The following SGCD variants were observed in gnomAD, a reference collection of about 807,000 sequenced individuals.
SGCD encodes the protein sarcoglycan delta.
In SGCD, 18 loss-of-function variants were observed where a neutral mutation model predicts 36.6. The ratio of observed to expected loss-of-function variants is 0.49; its 90% CI spans 0.34 to 0.73. The LOEUF (loss-of-function observed/expected upper bound fraction) is 0.73. SGCD is among the 30% of genes least tolerant of loss of function. The pLI is 0.01. For missense variants in SGCD, 387 were observed against 346.7 expected, an observed-to-expected ratio of 1.12 and a Z score of -0.92; for synonymous variants, 133 against 130.6, an observed-to-expected ratio of 1.02 and a Z score of -0.12.
At chr5:155,876,912 G>A (rs1173748033) in intron 1 of SGCD, among the ~76,000 whole-genome samples, 1 of 152,044 alleles carries the variant, frequency 6.6e-6, no homozygotes, top group Non-Finnish European at 1.5e-5. Context: ...TAATTAGAAA[G>A]GCTGATAAGA....
At chr5:156,001,320 T>C (rs911384479) in intron 1 of SGCD, among the ~76,000 whole-genome samples, 2 of 152,240 alleles carry the variant, frequency 1.3e-5, no homozygotes, top group Non-Finnish European at 2.9e-5. Context: ...TTGTCACTAC[T>C]TTTTGAGTCA....
intron 3 of SGCD, among the ~76,000 whole-genome samples, chr5:156,439,355 A>T (rs1234199308): frequency 6.6e-6 from 1 of 152,160 alleles, no homozygotes; most frequent in East Asian, 1.9e-4. Flanking sequence ...ATTTACCTGG[A>T]TGGCAAACAA....
intron 4 of SGCD, among the ~76,000 whole-genome samples, chr5:156,532,712 C>A (rs189466762): frequency 6.6e-6 from 1 of 152,158 alleles, no homozygotes; most frequent in Non-Finnish European, 1.5e-5. Flanking sequence ...CTGCCCACCT[C>A]GGCCTCCCAA....
intron 3 of SGCD, among the ~76,000 whole-genome samples, chr5:156,444,087 T>C (rs1343696030): frequency 7.0e-5 from 8 of 113,938 alleles, no homozygotes; most frequent in African/African-American, 2.4e-4. Context: ...TCTCTCTCTC[T>C]CTCTCTCTCT....
At chr5:156,741,050 A>G (rs1756646988) in intron 7 of SGCD, among the ~76,000 whole-genome samples, 1 of 152,208 alleles carries the variant, frequency 6.6e-6, no homozygotes, top group African/African-American at 2.4e-5. Context: ...GGGAAAGACC[A>G]GAGCTAACCT....
intron 1 of SGCD, among the ~76,000 whole-genome samples, chr5:156,009,833 A>G (rs938861228): frequency 1.3e-5 from 2 of 152,206 alleles, no homozygotes; most frequent in Admixed American, 1.3e-4. Flanking sequence ...GTCATAGGCT[A>G]ACAACTGTCT....
At chr5:156,588,860 G>C (rs1166691710) in intron 4 of SGCD, among the ~76,000 whole-genome samples, 2 of 152,170 alleles carry the variant, frequency 1.3e-5, no homozygotes, top group Non-Finnish European at 1.5e-5. Flanking sequence ...GACATTAGGA[G>C]ATTATCATTC....
Position 156,036,222 on chromosome 5 carries a change from G to T in SGCD, c.-281-81656G>T, listed in dbSNP as rs1249061390. The stretch of plus-strand genomic sequence containing the variant: ...CTGTCACCAAAATTTGCAGTGAGAG[G>T]TCATAGAGACTTGTACAGCAGGTGC... On this transcript the variant is annotated intron_variant, in intron 1 of 9. Coordinates refer to the SGCD transcript ENST00000517913. 2.0e-5 allele frequency among the ~76,000 whole-genome samples: 3 copies of T among 152,282 alleles called. No individual in the cohort carries two copies. In the South Asian group the frequency reaches 6.2e-4, roughly 32 times the overall value.
intron 3 of SGCD, among the ~76,000 whole-genome samples, chr5:156,226,257 G>A (rs1462648870): frequency 6.6e-6 from 1 of 152,012 alleles, no homozygotes; most frequent in Non-Finnish European, 1.5e-5. Context: ...AGTCCATTGT[G>A]TCATTCTTAT....
At chr5:156,043,763 C>T (rs1054052718) in intron 1 of SGCD, among the ~76,000 whole-genome samples, 5 of 152,114 alleles carry the variant, frequency 3.3e-5, no homozygotes, top group Admixed American at 1.3e-4. Flanking sequence ...TAATATCCAA[C>T]ACTCTTTAAA....
upstream of SGCD, among the ~76,000 whole-genome samples, chr5:155,867,899 A>C (rs1466536479): frequency 6.6e-6 from 1 of 152,182 alleles, no homozygotes; most frequent in Non-Finnish European, 1.5e-5. Flanking sequence ...TACAGTTAGG[A>C]AGTGGCTGAG....
In SGCD at chr5:156,506,225, A is replaced by G. The variant is rs142360427; in HGVS notation, c.193-2376A>G. Among the ~76,000 whole-genome samples, 639 of 152,342 alleles carry G rather than the reference A, an allele frequency of 4.2e-3. 2 individuals are homozygous for G. The highest frequency in any genetic ancestry group is 7.0e-3 in the Admixed American group (107 of 15,302). ...AATAATCATGTTGGTATTATTCAGA[A>G]AAGGGATTTTTGGTATGAAAGAAAG... On this transcript the variant is annotated intron_variant, in intron 3 of 8. Coordinates refer to ENST00000337851, the MANE Select transcript of SGCD (RefSeq NM_000337.6).
the SGCD span, among the ~76,000 whole-genome samples, chr5:155,811,880 T>C: frequency 6.6e-6 from 1 of 152,176 alleles, no homozygotes; most frequent in East Asian, 1.9e-4. Context: ...GAAGTAATTC[T>C]TTAACATAAC....
At chr5:156,142,072 G>A (rs112344807) in intron 3 of SGCD, among the ~76,000 whole-genome samples, 4 of 152,250 alleles carry the variant, frequency 2.6e-5, no homozygotes, top group African/African-American at 9.6e-5. Flanking sequence ...TCATGGTTTA[G>A]CAGCATCACC....
At chr5:155,893,928 G>A (rs192937118) in intron 1 of SGCD, among the ~76,000 whole-genome samples, 1 of 152,298 alleles carries the variant, frequency 6.6e-6, no homozygotes, top group East Asian at 1.9e-4. Context: ...AATACTTCAG[G>A]CAATTGTAAC....
chr5:156,008,491 T>C (rs907154591), intron 1 of SGCD, among the ~76,000 whole-genome samples: 1 of 152,162 alleles, frequency 6.6e-6, no homozygotes, highest in Admixed American at 6.5e-5. Context: ...TCCTGCCTCC[T>C]TAGCCTATTG....
At chr5:156,081,686 G>GC (rs1296880791) in intron 1 of SGCD, among the ~76,000 whole-genome samples, 15 of 152,258 alleles carry the variant, frequency 9.9e-5, no homozygotes, top group Non-Finnish European at 2.1e-4. Context: ...GAGCCACTGT[G>GC]CCCAACCATG....
intron 3 of SGCD, among the ~76,000 whole-genome samples, chr5:156,204,593 G>A (rs1764228992): frequency 6.6e-6 from 1 of 151,876 alleles, no homozygotes; most frequent in Non-Finnish European, 1.5e-5. Flanking sequence ...TCAGCGTATG[G>A]GATCTTGGCA....
rs60893052 is a variant in SGCD at position 156,269,469 on chromosome 5, C to CAAAA, written c.-43-60027_-43-60024dup. The stretch of plus-strand genomic sequence containing the variant: ...TAGGGGACAGAGTGAGACTCCGTCT[C>CAAAA]AAAAAAAAAAAAAAAAAAAAAAAAA... On this transcript the variant is annotated intron_variant, in intron 3 of 9. Coordinates refer to the SGCD transcript ENST00000517913. 1.3e-3 allele frequency among the ~76,000 whole-genome samples: 39 copies of CAAAA among 30,468 alleles called. 7 individuals are homozygous for CAAAA. Among genetic ancestry groups the CAAAA allele is most frequent in the African/African-American group, 1.7e-3 (15 of 8,604 alleles). 20.0% of individuals were successfully genotyped at this position (30,468 alleles called of 152,430 possible).
Sources: allele counts gnomAD v4.1 joint callset (sites outside exome capture counted in the v4.1 genomes callset), GRCh38; gene constraint gnomAD v4.1.1; transcripts MANE v1.5; gene names NCBI Gene and HGNC (gene_info 2026-07-23, HGNC 2026-07-21).